HYDIN: variants seen among roughly 807,000 people sequenced by gnomAD.
HYDIN encodes HYDIN axonemal central pair apparatus protein, also known as axonemal central pair apparatus protein HYDIN.
Under a neutral mutation model 403.9 loss-of-function variants are expected in HYDIN, and 132 were observed. The ratio of observed to expected loss-of-function variants is 0.33; its 90% CI spans 0.28 to 0.38. The LOEUF (loss-of-function observed/expected upper bound fraction) is 0.38. HYDIN is among the 10% of genes least tolerant of loss of function. The probability of loss-of-function intolerance (pLI) is 1.00; values close to 1 mark genes in which losing one functional copy is unlikely to be tolerated. For synonymous variants in HYDIN, 1,202 were observed against 1,891.7 expected, an observed-to-expected ratio of 0.64 and a Z score of 9.46; for missense variants, 2,827 against 5,009.5, an observed-to-expected ratio of 0.56 and a Z score of 13.15.
In HYDIN at chr16:70,902,809, ATATATATATATATTT is replaced by A. The variant is rs1476679261; in HGVS notation, c.8849+801_8849+815del. ...CTACTCTTTAAATATATATATATAT[ATATATATATATATTT>A]TTTTTTTTTTTTTTGTCCCACTCTC... On this transcript the variant is annotated intron_variant, in intron 52 of 85. Coordinates refer to ENST00000393567, the MANE Select transcript of HYDIN (RefSeq NM_001270974.2). 8.6e-4 allele frequency among the ~76,000 whole-genome samples: 57 copies of A among 66,164 alleles called. 1 individual carries two copies. The highest frequency in any genetic ancestry group is 2.5e-3 in the East Asian group (3 of 1,204). The allele number at this position is 66,164 out of a possible 152,430, so 43.4% of individuals were successfully genotyped here.
chr16:71,183,225 G>T (rs889478375), intron 3 of HYDIN, among the ~76,000 whole-genome samples: 1 of 151,914 alleles, frequency 6.6e-6, no homozygotes, highest in African/African-American at 2.4e-5. Flanking sequence ...AAGCATAAAA[G>T]AAATATATAC....
rs1299969018 is a variant in HYDIN, at chr16:71,186,790, C to T, written c.106G>A (p.Val36Met). Residue 36 changes from valine to methionine, a missense_variant, in exon 2 of 86, where the codon GTG (valine) becomes ATG (methionine). Coordinates refer to ENST00000393567, the MANE Select transcript of HYDIN (RefSeq NM_001270974.2). ...CGGTTTACTTCTTCTTCTGTAACCACCTTTGGACTCAGGGGTGGCAAAACC... is the reference window on the plus strand; with the variant it reads ...CGGTTTACTTCTTCTTCTGTAACCATCTTTGGACTCAGGGGTGGCAAAACC... ...SKVLPPLSPK[V>M]VTEEEVNRML... 3 of 1,613,286 alleles carry T rather than the reference C, an allele frequency of 1.9e-6. No individual in the cohort carries two copies. Among genetic ancestry groups the T allele is most frequent in the Non-Finnish European group, 8.5e-7 (1 of 1,179,586 alleles).
intron 39 of HYDIN, among the ~76,000 whole-genome samples, chr16:70,957,484 G>A (rs1798344): frequency 1.2e-4 from 18 of 151,834 alleles, no homozygotes; most frequent in Non-Finnish European, 1.9e-4. Flanking sequence ...CTGCTACCAC[G>A]CCCGGCTAAT....
chr16:71,201,912 T>C (rs2088037039), intron 1 of HYDIN, among the ~76,000 whole-genome samples: 1 of 152,258 alleles, frequency 6.6e-6, no homozygotes, highest in Admixed American at 6.5e-5. Flanking sequence ...TTATTTGTAA[T>C]GTATCATTGC....
At chr16:71,008,598 G>C (rs1238076078) in intron 23 of HYDIN, among the ~76,000 whole-genome samples, 3 of 151,416 alleles carry the variant, frequency 2.0e-5, no homozygotes, top group African/African-American at 7.3e-5. Flanking sequence ...TGTTAAAAGA[G>C]ATTTTCCCAA....
intron 47 of HYDIN, among the ~76,000 whole-genome samples, chr16:70,916,836 TTC>T (rs762079658): frequency 2.6e-5 from 4 of 152,070 alleles, no homozygotes; most frequent in Non-Finnish European, 4.4e-5. Flanking sequence ...CTTTTTCTCT[TTC>T]TCTCTTTTTC....
intron 12 of HYDIN, among the ~76,000 whole-genome samples, chr16:71,085,866 G>A (rs547256621): frequency 1.3e-5 from 2 of 151,964 alleles, no homozygotes. Context: ...GTGGTATCTT[G>A]TAAAAAGCAT....
intron 70 of HYDIN, 113 bp from the exon 71 acceptor site, chr16:70,860,319 T>G: frequency 9.0e-7 from 1 of 1,106,222 alleles, no homozygotes; most frequent in Non-Finnish European, 1.3e-6. Flanking sequence ...AGCAGAACTG[T>G]TCAGAGCACT....
At chr16:71,008,232 A>G (rs1483468494) in intron 23 of HYDIN, among the ~76,000 whole-genome samples, 2 of 151,518 alleles carry the variant, frequency 1.3e-5, no homozygotes, top group African/African-American at 4.9e-5. Flanking sequence ...CCCAAACTTT[A>G]GCCTCATGCA....
At chr16:70,934,028 G>A (rs2077428000) in intron 45 of HYDIN, among the ~76,000 whole-genome samples, 1 of 152,160 alleles carries the variant, frequency 6.6e-6, no homozygotes. Flanking sequence ...CAGGGAGAAG[G>A]AGGAAAGCCA....
chr16:71,074,707 CAAAAAAAA>C (rs59315287), intron 13 of HYDIN, among the ~76,000 whole-genome samples: 2 of 86,188 alleles, frequency 2.3e-5, no homozygotes, highest in African/African-American at 4.5e-5. Flanking sequence ...CAAAAAACAC[CAAAAAAAA>C]AAAAAAAAAA....
chr16:70,880,768 T>C (rs1476981755), intron 60 of HYDIN, among the ~76,000 whole-genome samples: 2 of 152,198 alleles, frequency 1.3e-5, no homozygotes, highest in African/African-American at 2.4e-5. Flanking sequence ...TTCATTCTCA[T>C]GGGAAGTAGG....
intron 11 of HYDIN, among the ~76,000 whole-genome samples, chr16:71,092,742 T>C (rs1276454808): frequency 7.6e-6 from 1 of 131,998 alleles, no homozygotes; most frequent in African/African-American, 3.3e-5. Context: ...CAACATGCCC[T>C]GGTAATTTTT....
intron 40 of HYDIN, among the ~76,000 whole-genome samples, chr16:70,954,558 C>G (rs999086109): frequency 3.9e-5 from 6 of 152,064 alleles, no homozygotes; most frequent in Admixed American, 6.5e-5. Flanking sequence ...CTCCTGTGTT[C>G]CCTATCTAGG....
chr16:70,912,691 T>C (rs1423623904), intron 47 of HYDIN, among the ~76,000 whole-genome samples: 1 of 151,604 alleles, frequency 6.6e-6, no homozygotes, highest in African/African-American at 2.4e-5. Flanking sequence ...TGTGGAATAG[T>C]GTCAATAGGA....
chr16:70,810,793 C>G (rs117388722), intron 84 of HYDIN, among the ~76,000 whole-genome samples: 1 of 151,956 alleles, frequency 6.6e-6, no homozygotes, highest in Non-Finnish European at 1.5e-5. Flanking sequence ...TCGTGTCACT[C>G]TAGTCCACAG....
intron 6 of HYDIN, among the ~76,000 whole-genome samples, chr16:71,161,491 A>G (rs1471078479): frequency 6.6e-6 from 1 of 152,126 alleles, no homozygotes; most frequent in Non-Finnish European, 1.5e-5. Flanking sequence ...ACTCAGATTA[A>G]AATCCAGCTC....
At chr16:71,011,394 C>A (rs2080076817) in intron 23 of HYDIN, among the ~76,000 whole-genome samples, 1 of 152,216 alleles carries the variant, frequency 6.6e-6, no homozygotes, top group African/African-American at 2.4e-5. Flanking sequence ...CTACCACTAA[C>A]ACACCACATC....
chr16:70,993,180 C>A (rs1349898094), intron 23 of HYDIN, among the ~76,000 whole-genome samples: 1 of 152,222 alleles, frequency 6.6e-6, no homozygotes, highest in Non-Finnish European at 1.5e-5. Context: ...ACTGTCCACT[C>A]TAACCATGTC....
Sources: gnomAD v4.1 joint callset for allele counts (sites outside exome capture counted in the v4.1 genomes callset) on GRCh38, gnomAD v4.1.1 for gene constraint, MANE v1.5 for transcripts, NCBI Gene and HGNC (gene_info 2026-07-23, HGNC 2026-07-21) for gene names.